The following ANKRD44 variants were observed in gnomAD, a reference collection of about 807,000 sequenced individuals.
ANKRD44 encodes the protein serine/threonine-protein phosphatase 6 regulatory ankyrin repeat subunit B.
In ANKRD44, 35 loss-of-function variants were observed where a neutral mutation model predicts 116.0. That is an observed-to-expected ratio of 0.30 (90% CI 0.23 to 0.40). ANKRD44 has a LOEUF of 0.40. ANKRD44 is among the 10% of genes least tolerant of loss of function. The pLI is 1.00. For synonymous variants in ANKRD44, 435 were observed against 461.8 expected (o/e 0.94, Z 0.74); for missense variants, 1,014 against 1,242.6 (o/e 0.82, Z 2.77).
intron 17 of ANKRD44, among the ~76,000 whole-genome samples, chr2:197,020,443 T>A (rs944362321): frequency 1.3e-5 from 2 of 152,204 alleles, no homozygotes; most frequent in Admixed American, 6.5e-5. Flanking sequence ...CTGGGCCACG[T>A]TGGAAGAATT....
intron 25 of ANKRD44, among the ~76,000 whole-genome samples, chr2:196,997,754 T>C (rs1473825821): frequency 6.6e-6 from 1 of 152,024 alleles, no homozygotes. Flanking sequence ...CGGCCTAAAA[T>C]TTATCTTTTA....
intron 2 of ANKRD44, among the ~76,000 whole-genome samples, chr2:197,173,815 C>G (rs1248155990): frequency 1.3e-5 from 2 of 152,066 alleles, no homozygotes; most frequent in Non-Finnish European, 2.9e-5. Context: ...GGTGGATCAC[C>G]TGAGGTCAGG....
At chr2:197,117,388 C>A (rs568329131) in intron 8 of ANKRD44, among the ~76,000 whole-genome samples, 1 of 152,104 alleles carries the variant, frequency 6.6e-6, no homozygotes, top group South Asian at 2.1e-4. Flanking sequence ...TACAGGCATG[C>A]GCCACCACAC....
intron 16 of ANKRD44, among the ~76,000 whole-genome samples, chr2:197,054,868 T>C (rs1242147239): frequency 6.6e-6 from 1 of 152,212 alleles, no homozygotes; most frequent in Non-Finnish European, 1.5e-5. Context: ...AGAGATATGG[T>C]CCCAGGTGGC....
intron 1 of ANKRD44, among the ~76,000 whole-genome samples, chr2:197,280,737 C>T (rs1433026558): frequency 1.3e-5 from 2 of 152,142 alleles, no homozygotes; most frequent in African/African-American, 2.4e-5. Context: ...CCTTGATAAA[C>T]CAGCTACCCA....
intron 16 of ANKRD44, among the ~76,000 whole-genome samples, chr2:197,033,402 G>A (rs2076745167): frequency 6.6e-6 from 1 of 152,160 alleles, no homozygotes; most frequent in African/African-American, 2.4e-5. Flanking sequence ...AAGTTAGTAA[G>A]CATTTGCTAC....
intron 25 of ANKRD44, among the ~76,000 whole-genome samples, chr2:196,998,069 G>C (rs2076046103): frequency 6.7e-6 from 1 of 149,626 alleles, no homozygotes; most frequent in South Asian, 2.1e-4. Flanking sequence ...CATCAAGACA[G>C]ACAGACTACA....
At chr2:197,224,159 G>A (rs2081647714) in intron 1 of ANKRD44, among the ~76,000 whole-genome samples, 1 of 152,182 alleles carries the variant, frequency 6.6e-6, no homozygotes, top group Non-Finnish European at 1.5e-5. Flanking sequence ...TCATCAGGCA[G>A]TGTGCAAGAA....
chr2:197,032,954 C>T (rs529267766), intron 16 of ANKRD44, among the ~76,000 whole-genome samples: 26 of 152,272 alleles, frequency 1.7e-4, no homozygotes, highest in Admixed American at 5.9e-4. Flanking sequence ...GAAGCAAGAT[C>T]AAAGTAGAGA....
At chr2:197,290,862 G>A (rs1426852233) in intron 1 of ANKRD44, among the ~76,000 whole-genome samples, 3 of 151,812 alleles carry the variant, frequency 2.0e-5, no homozygotes, top group African/African-American at 7.3e-5. Flanking sequence ...GCCCAGGCTG[G>A]AGTGCAGTGG....
chr2:197,004,232 G>T (rs546463070), intron 21 of ANKRD44, among the ~76,000 whole-genome samples: 66 of 152,222 alleles, frequency 4.3e-4, no homozygotes, highest in African/African-American at 1.6e-3. Flanking sequence ...AACAGTAGCT[G>T]CCATTGTAGT....
intron 2 of ANKRD44, 46 bp downstream of exon 2, chr2:197,186,977 C>T (rs2080690809): frequency 1.3e-6 from 2 of 1,547,686 alleles, no homozygotes; most frequent in African/African-American, 2.7e-5. Flanking sequence ...TCCTTTCCTG[C>T]TCCAGGCTAA....
In ANKRD44 at chr2:197,005,729, T is replaced by C; in HGVS notation, c.2312A>G (p.Gln771Arg). 1.9e-6 allele frequency: 3 copies of C among 1,614,078 alleles called. No individual in the cohort carries two copies. The highest frequency in any genetic ancestry group is 2.5e-6 in the Non-Finnish European group (3 of 1,180,008). The change falls in exon 21 of 28, where the codon CAA becomes CGA. Residue 771 changes from glutamine (Q) to arginine (R), a missense_variant. Physicochemically the swap from Gln to Arg is conservative, Grantham distance 43. Transcript: ENST00000282272. The part of the protein sequence containing the change: ...SEEDCCFKDN[Q>R]GYTPLHWACY... ...AGCCCAGTGCAGCGGCGTGTAGCCT[T>C]GGTTATCTTTGAAACAACAGTCCTC...
intron 21 of ANKRD44, among the ~76,000 whole-genome samples, chr2:197,004,533 C>T (rs983546757): frequency 6.6e-5 from 10 of 152,058 alleles, no homozygotes; most frequent in Admixed American, 6.6e-4. Context: ...AGCCAGGGTA[C>T]TATTAGATAG....
intron 8 of ANKRD44, among the ~76,000 whole-genome samples, chr2:197,115,668 CA>C (rs1363622030): frequency 2.6e-5 from 4 of 152,198 alleles, no homozygotes; most frequent in Admixed American, 2.6e-4. Context: ...CTACTTCCCT[CA>C]ACTTTTGGAA....
intron 1 of ANKRD44, among the ~76,000 whole-genome samples, chr2:197,289,687 T>C (rs1574454932): frequency 6.6e-6 from 1 of 152,316 alleles, no homozygotes; most frequent in East Asian, 1.9e-4. Flanking sequence ...CAGATCAGTA[T>C]TTGCCTAGGA....
chr2:197,019,748 C>T (rs936492112), intron 17 of ANKRD44, among the ~76,000 whole-genome samples: 3 of 151,838 alleles, frequency 2.0e-5, no homozygotes, highest in African/African-American at 2.4e-5. Flanking sequence ...ATACCTTTCA[C>T]GCAGTTTGAG....
intron 10 of ANKRD44, among the ~76,000 whole-genome samples, chr2:197,096,325 T>C (rs2078159353): frequency 6.6e-6 from 1 of 152,184 alleles, no homozygotes; most frequent in African/African-American, 2.4e-5. Context: ...TCAGAGCCAG[T>C]TATTCATAAA....
intron 16 of ANKRD44, among the ~76,000 whole-genome samples, chr2:197,070,412 A>T (rs2077534429): frequency 6.6e-6 from 1 of 151,772 alleles, no homozygotes; most frequent in African/African-American, 2.4e-5. Flanking sequence ...TTTCTAGGAG[A>T]GTTTTTTGTT....
Sources: gnomAD v4.1 joint callset for allele counts (sites outside exome capture counted in the v4.1 genomes callset) on GRCh38, gnomAD v4.1.1 for gene constraint, MANE v1.5 for transcripts, NCBI Gene and HGNC (gene_info 2026-07-23, HGNC 2026-07-21) for gene names.